The following RRN3 variants were observed in gnomAD, a reference collection of about 807,000 sequenced individuals.
The protein encoded by RRN3 is RNA polymerase I-specific transcription initiation factor RRN3.
In RRN3, 38 loss-of-function variants were observed where a neutral mutation model predicts 82.3. The ratio of observed to expected loss-of-function variants is 0.46; its 90% CI spans 0.36 to 0.61. The LOEUF is 0.61. Ranked by LOEUF, RRN3 falls within the 20% of genes least tolerant of loss-of-function variation. The probability of loss-of-function intolerance (pLI) is 0.00; values close to 1 mark genes in which losing one functional copy is unlikely to be tolerated. For synonymous variants in RRN3, 284 were observed against 284.3 expected (o/e 1.00, Z 0.01); for missense variants, 726 against 793.1 (o/e 0.92, Z 1.02).
chr16:15,076,910 G>C (rs1279202440), intron 9 of RRN3, among the ~76,000 whole-genome samples: 1 of 151,836 alleles, frequency 6.6e-6, no homozygotes, highest in Non-Finnish European at 1.5e-5. Context: ...CTCTATGCCA[G>C]GCAGCCTCAA....
At chr16:15,072,831 A>C in intron 12 of RRN3, 119 bp downstream of exon 12, 1 of 986,302 alleles carries the variant, frequency 1.0e-6, no homozygotes, top group Non-Finnish European at 1.5e-6. Flanking sequence ...GCAGACTAGC[A>C]AGTAAGCTCA....
chr16:15,094,077 TC>T (rs2046251585), intron 1 of RRN3, 67 bp downstream of exon 1: 1 of 1,386,714 alleles, frequency 7.2e-7, no homozygotes, highest in Admixed American at 2.0e-5. Context: ...ATCCTTTCAA[TC>T]CGCTCCTCTA....
rs769324257 is a variant in RRN3, at chr16:15,065,212, T to C, written c.1706+7A>G. ...CTCCTCCAGCGTCAATGTTTAAAAG[T>C]ACCTACCTCTTCAGCACACAGGGAT... is the stretch of plus-strand genomic sequence containing the variant. On this transcript the variant is annotated splice_region_variant and intron_variant, in intron 16 of 17. Transcript: ENST00000198767. The C allele has an allele frequency of 6.9e-6, 11 of 1,599,712 alleles. No homozygotes were observed. Among genetic ancestry groups the C allele is most frequent in the Non-Finnish European group, 9.4e-6 (11 of 1,174,798 alleles).
chr16:15,092,288 CATT>C (rs1475458911), intron 2 of RRN3, among the ~76,000 whole-genome samples: 2 of 152,100 alleles, frequency 1.3e-5, no homozygotes, highest in African/African-American at 4.8e-5. Context: ...TCAGTAAAGA[CATT>C]ATTACTCTCT....
intron 14 of RRN3, among the ~76,000 whole-genome samples, chr16:15,068,541 T>C (rs2045079603): frequency 6.6e-6 from 1 of 152,102 alleles, no homozygotes; most frequent in Non-Finnish European, 1.5e-5. Flanking sequence ...TCCACGACAA[T>C]GTGAAATTCA....
chr16:15,078,812 CT>C (rs5816111), intron 9 of RRN3, among the ~76,000 whole-genome samples: 62,558 of 116,968 alleles, frequency 0.53, 15,366 homozygotes, highest in Non-Finnish European at 0.63. Flanking sequence ...GTATTTTTTT[CT>C]TTTTTTTTTT....
At chr16:15,071,382 AT>A in intron 12 of RRN3, 131 bp from the exon 13 acceptor site, 1 of 864,992 alleles carries the variant, frequency 1.2e-6, no homozygotes, top group Non-Finnish European at 1.8e-6. Flanking sequence ...CATGGGCTTC[AT>A]TTTTAAAACA....
Position 15,060,254 on chromosome 16 carries a change from A to G in RRN3, c.*1490T>C. Reference sequence around the variant, plus strand: ...TACTCGTTTTATCTAATATTAAAAAATCAACATTTTGCCAGCAGTTAAAAA... The same window carrying G: ...TACTCGTTTTATCTAATATTAAAAAGTCAACATTTTGCCAGCAGTTAAAAA... On this transcript the variant is annotated 3_prime_UTR_variant, in exon 18 of 18. Coordinates refer to ENST00000198767, the MANE Select transcript of RRN3 (RefSeq NM_018427.5). 3.0e-6 allele frequency: 1 copy of G among 333,292 alleles called. No individual in the cohort carries two copies. Among genetic ancestry groups the G allele is most frequent in the Non-Finnish European group, 5.9e-6 (1 of 169,672 alleles). The allele number at this position is 333,292 out of a possible 1,614,324, so 20.6% of individuals were successfully genotyped here. A position where few individuals can be genotyped will look rare whatever the true frequency, so the allele number is the denominator to read the frequency against.
chr16:15,091,162 G>A (rs1218062824), intron 3 of RRN3, among the ~76,000 whole-genome samples, 153 bp downstream of exon 3: 1 of 152,104 alleles, frequency 6.6e-6, no homozygotes, highest in African/African-American at 2.4e-5. Context: ...CTTCTAGGGG[G>A]TAAAACTGTC....
rs1172391903 is a variant in RRN3 at position 15,073,077 on chromosome 16, T to G, written c.1001A>C (p.Lys334Thr). ...YMKDVCYVDG[K>T]VDNGKTKDLY... ...ATCCTTTGTTTTGCCGTTATCAACCTTACCTATGGAGAAAATCTGGCATCT... is the reference window on the plus strand; with the variant it reads ...ATCCTTTGTTTTGCCGTTATCAACCGTACCTATGGAGAAAATCTGGCATCT... The change falls in exon 12 of 18, where the codon AAG (lysine) becomes ACG (threonine). Residue 334 changes from lysine to threonine, a missense_variant. Coordinates refer to ENST00000198767, the MANE Select transcript of RRN3 (RefSeq NM_018427.5). 1.2e-6 allele frequency: 2 copies of G among 1,604,318 alleles called. No individual in the cohort carries two copies.
chr16:15,069,566 T>G (rs530267617), intron 14 of RRN3, among the ~76,000 whole-genome samples: 3 of 152,294 alleles, frequency 2.0e-5, no homozygotes, highest in East Asian at 1.9e-4. Context: ...CAGGCAGAGT[T>G]TAATCTATAT....
chr16:15,071,854 T>C (rs1227001648), intron 12 of RRN3, among the ~76,000 whole-genome samples: 2 of 152,142 alleles, frequency 1.3e-5, no homozygotes, highest in African/African-American at 4.8e-5. Flanking sequence ...GGAATCCACA[T>C]ATTACAAAAA....
rs980273958 is a variant in RRN3, at chr16:15,094,202, G to A, written c.32C>T (p.Pro11Leu). 1.3e-5 allele frequency: 20 copies of A among 1,598,974 alleles called. No individual in the cohort carries two copies. Among genetic ancestry groups the A allele is most frequent in the African/African-American group, 6.7e-5 (5 of 74,778 alleles). The change falls in exon 1 of 18, where the codon CCG (proline) becomes CTG (leucine). Residue 11 changes from proline to leucine, a missense_variant. By Grantham distance (98) the Pro-to-Leu change is moderately conservative. Transcript: ENST00000198767. MAAPLLHTRL[P>L]GDAAASSSAV... is the part of the protein sequence containing the mutation. ...AGAGGACGAAGCGGCCGCATCTCCC[G>A]GCAAACGCGTGTGAAGCAGCGGTGC...
At chr16:15,093,043 G>T (rs1204404979) in intron 1 of RRN3, among the ~76,000 whole-genome samples, 1 of 151,686 alleles carries the variant, frequency 6.6e-6, no homozygotes, top group Non-Finnish European at 1.5e-5. Flanking sequence ...TTGCTCTGCT[G>T]CCCAGGCTGG....
At chr16:15,078,320 C>T (rs1437166733) in intron 9 of RRN3, among the ~76,000 whole-genome samples, 1 of 152,138 alleles carries the variant, frequency 6.6e-6, no homozygotes, top group Non-Finnish European at 1.5e-5. Context: ...CACAAACCTG[C>T]TCACGTCTCT....
chr16:15,076,980 CTT>C lies in RRN3; in HGVS notation c.766-332_766-331del, dbSNP rs11419800. Among the ~76,000 whole-genome samples the C allele has an allele frequency of 8.3e-5, 12 of 143,904 alleles. No homozygotes were observed. The South Asian group carries it at 8.7e-4, about 10-fold the overall frequency. 94.4% of individuals were successfully genotyped at this position (143,904 alleles called of 152,430 possible). On this transcript the variant is annotated intron_variant, in intron 9 of 17. Transcript: ENST00000198767. ...TGGCTCTGTGTCCCCACCCAAATCACTTTTTTTTTTTTTTTTGAGGCAGAGTT... is the reference window on the plus strand; with the variant it reads ...TGGCTCTGTGTCCCCACCCAAATCACTTTTTTTTTTTTTTGAGGCAGAGTT...
intron 8 of RRN3, among the ~76,000 whole-genome samples, chr16:15,082,786 TATTA>T (rs760371895): frequency 5.9e-5 from 9 of 152,154 alleles, no homozygotes; most frequent in South Asian, 2.1e-4. Context: ...AGGCAACCAC[TATTA>T]ATTATTAAAA....
In RRN3 at chr16:15,061,698, T is replaced by A. The variant is rs766270241; in HGVS notation, c.*46A>T. ...AGCTGGGTGCTGAGGGCATGACAAG[T>A]GATGGGGAATCCCAAATGTCACATC... On this transcript the variant is annotated 3_prime_UTR_variant, in exon 18 of 18. Transcript: ENST00000198767. 7 of 1,577,088 alleles carry A rather than the reference T, an allele frequency of 4.4e-6. No individual in the cohort carries two copies. The highest frequency in any genetic ancestry group is 1.7e-5 in the Admixed American group (1 of 59,408).
At chr16:15,063,648 C>T (rs1384703461) in intron 16 of RRN3, among the ~76,000 whole-genome samples, 14 of 139,830 alleles carry the variant, frequency 1.0e-4, no homozygotes, top group Admixed American at 1.6e-4. Flanking sequence ...GAGCTTGCAG[C>T]GAGCCGAGAT....
Sources: gnomAD v4.1 joint callset for allele counts (sites outside exome capture counted in the v4.1 genomes callset) on GRCh38, gnomAD v4.1.1 for gene constraint, MANE v1.5 for transcripts, NCBI Gene and HGNC (gene_info 2026-07-23, HGNC 2026-07-21) for gene names.